The following NAV2 variants were observed in gnomAD, a reference collection of about 807,000 sequenced individuals.
The protein encoded by NAV2 is neuron navigator 2.
Under a neutral mutation model 223.2 loss-of-function variants are expected in NAV2, and 54 were observed. That is an observed-to-expected ratio of 0.24 (90% CI 0.19 to 0.30). NAV2 has a LOEUF of 0.30. Ranked by LOEUF, NAV2 falls within the 10% of genes least tolerant of loss-of-function variation. The pLI is 1.00. For synonymous variants in NAV2, 1,279 were observed against 1,239.3 expected, an observed-to-expected ratio of 1.03 and a Z score of -0.67; for missense variants, 2,806 against 3,147.5, an observed-to-expected ratio of 0.89 and a Z score of 2.60.
intron 4 of NAV2, among the ~76,000 whole-genome samples, chr11:19,873,363 TC>T (rs35366906): frequency 1.3e-5 from 2 of 151,518 alleles, no homozygotes; most frequent in Admixed American, 6.6e-5. Context: ...GTGGGACATT[TC>T]CCCCCAGATT....
At position 19,859,137 on chromosome 11, in the gene NAV2, C is replaced by CTTTTTTTTTTTTT. The variant is rs569446282; in HGVS notation, c.439-9778_439-9766dup. 5.0e-3 allele frequency among the ~76,000 whole-genome samples: 535 copies of CTTTTTTTTTTTTT among 106,928 alleles called. 6 individuals carry two copies. Among genetic ancestry groups the CTTTTTTTTTTTTT allele is most frequent in the East Asian group, 0.01 (31 of 3,060 alleles). The allele number at this position is 106,928 out of a possible 152,430, so 70.1% of individuals were successfully genotyped here. The stretch of plus-strand genomic sequence containing the variant: ...ATGGAGGAGTCCAAAATCATATTCT[C>CTTTTTTTTTTTTT]TTTTTTTTTTTTTTTTTTTTTTATT... On this transcript the variant is annotated intron_variant, in intron 3 of 37. Transcript: ENST00000349880.
In NAV2 at chr11:19,548,435, A is replaced by G. The variant is rs556867886; in HGVS notation, c.75+197408A>G. ...ATTTCGCAGATGCAGTAGCTGAGGCAGAAAGATGTCAAGTCATTTGCCCAA... is the reference window on the plus strand; with the variant it reads ...ATTTCGCAGATGCAGTAGCTGAGGCGGAAAGATGTCAAGTCATTTGCCCAA... On this transcript the variant is annotated intron_variant, in intron 1 of 37. Coordinates refer to the NAV2 transcript ENST00000360655. Among the ~76,000 whole-genome samples, 44 of 152,332 alleles carry G rather than the reference A, an allele frequency of 2.9e-4. 1 individual carries two copies. In the South Asian group the frequency reaches 9.1e-3, roughly 32 times the overall value.
intron 1 of NAV2, among the ~76,000 whole-genome samples, chr11:19,552,725 T>C (rs572343925): frequency 4.2e-4 from 64 of 152,306 alleles, no homozygotes; most frequent in African/African-American, 1.4e-3. Context: ...AGCGCTGTAG[T>C]GTAAAAGAGC....
chr11:19,896,397 C>T (rs2041987213), intron 6 of NAV2, among the ~76,000 whole-genome samples: 1 of 152,112 alleles, frequency 6.6e-6, no homozygotes, highest in Admixed American at 6.6e-5. Context: ...ACTCTCGATA[C>T]CTCATGTGAA....
At chr11:19,894,866 GATTACAGGC>G (rs1326538915) in intron 6 of NAV2, among the ~76,000 whole-genome samples, 1 of 152,102 alleles carries the variant, frequency 6.6e-6, no homozygotes, top group Non-Finnish European at 1.5e-5. Flanking sequence ...TAGTAGCTGG[GATTACAGGC>G]ATGTGCCACC....
At chr11:20,065,576 G>T (rs2058990984) in intron 20 of NAV2, among the ~76,000 whole-genome samples, 1 of 152,260 alleles carries the variant, frequency 6.6e-6, no homozygotes, top group Non-Finnish European at 1.5e-5. Flanking sequence ...ATGGAGGCTA[G>T]CAGCTTCACA....
intron 26 of NAV2, among the ~76,000 whole-genome samples, chr11:20,087,801 T>C (rs1035439904): frequency 6.6e-6 from 1 of 152,120 alleles, no homozygotes; most frequent in Non-Finnish European, 1.5e-5. Context: ...CATGGTGCAG[T>C]CTTGGGCCTG....
chr11:19,516,359 C>T (rs2043447075), intron 1 of NAV2, among the ~76,000 whole-genome samples: 1 of 152,202 alleles, frequency 6.6e-6, no homozygotes, highest in Non-Finnish European at 1.5e-5. Context: ...CCCCCAAAGT[C>T]CAGAACTGCC....
chr11:19,707,148 G>A (rs967710391), intron 1 of NAV2, among the ~76,000 whole-genome samples: 3 of 152,126 alleles, frequency 2.0e-5, no homozygotes, highest in African/African-American at 7.2e-5. Context: ...TAAAGGCCTA[G>A]GACATTGCTG....
intron 1 of NAV2, among the ~76,000 whole-genome samples, chr11:19,375,542 C>G (rs531507272): frequency 1.6e-4 from 25 of 152,336 alleles, no homozygotes; most frequent in Admixed American, 1.6e-3. Flanking sequence ...CCCAGCCTCT[C>G]CTTCCTATTA....
intron 11 of NAV2, among the ~76,000 whole-genome samples, chr11:20,011,192 G>T (rs959556247): frequency 2.6e-5 from 4 of 152,062 alleles, no homozygotes; most frequent in Admixed American, 6.6e-5. Flanking sequence ...TTAAAAAAAT[G>T]AGTTTTGGTG....
In NAV2 at chr11:20,035,949, G is replaced by A. The variant is rs1405550417; in HGVS notation, c.2769-10G>A. The A allele has an allele frequency of 5.0e-6, 8 of 1,614,064 alleles. No homozygotes were observed. In the East Asian group the frequency reaches 1.8e-4, roughly 36 times the overall value. ...GTTTTGGTGCTCAGGATGTGTGTTT[G>A]TCTTGGCAGCTGGGACGACAGCAGC... On this transcript the variant is annotated splice_polypyrimidine_tract_variant and intron_variant, in intron 11 of 37. Transcript: ENST00000349880.
chr11:19,982,616 G>T (rs1359345479), intron 10 of NAV2, among the ~76,000 whole-genome samples: 1 of 152,078 alleles, frequency 6.6e-6, no homozygotes, highest in African/African-American at 2.4e-5. Flanking sequence ...GTGACCTTGG[G>T]GATCATTAAT....
chr11:19,593,200 G>A (rs7931824), intron 1 of NAV2, among the ~76,000 whole-genome samples: 26,609 of 151,596 alleles, frequency 0.18, 2,951 homozygotes, highest in African/African-American at 0.31. Flanking sequence ...TTTTCTATCT[G>A]CAAAATGTTG....
At chr11:19,639,327 C>A (rs529054641) in intron 1 of NAV2, among the ~76,000 whole-genome samples, 1 of 152,300 alleles carries the variant, frequency 6.6e-6, no homozygotes, top group Admixed American at 6.5e-5. Flanking sequence ...AATGGTTAGA[C>A]CCTCTATGAC....
intron 1 of NAV2, among the ~76,000 whole-genome samples, chr11:19,353,525 C>T (rs753832859): frequency 2.6e-5 from 4 of 152,116 alleles, no homozygotes; most frequent in African/African-American, 4.8e-5. Context: ...TCCTTAACCT[C>T]TCTGATTTTT....
intron 10 of NAV2, among the ~76,000 whole-genome samples, chr11:19,956,045 A>T (rs1025369342): frequency 4.6e-5 from 7 of 152,060 alleles, no homozygotes; most frequent in African/African-American, 1.4e-4. Flanking sequence ...GCGCTCTTGG[A>T]ACGCTTGGGA....
intron 1 of NAV2, among the ~76,000 whole-genome samples, chr11:19,728,888 G>T (rs1483633973): frequency 1.3e-5 from 2 of 152,182 alleles, no homozygotes; most frequent in Non-Finnish European, 2.9e-5. Context: ...TTCATTCTTT[G>T]TTATTAATAG....
intron 1 of NAV2, among the ~76,000 whole-genome samples, chr11:19,584,337 A>T (rs140114075): frequency 0.019 from 2,843 of 152,078 alleles, 106 homozygotes; most frequent in African/African-American, 0.063. Flanking sequence ...CAGCTCCTGG[A>T]TTCATTGATT....
Sources: allele counts gnomAD v4.1 joint callset (sites outside exome capture counted in the v4.1 genomes callset), GRCh38; gene constraint gnomAD v4.1.1; transcripts MANE v1.5; gene names NCBI Gene and HGNC (gene_info 2026-07-23, HGNC 2026-07-21).